The following HSPBP1 variants were observed in gnomAD, a reference collection of about 807,000 sequenced individuals.
HSPBP1 encodes HSPA (Hsp70) binding protein 1.
A neutral mutation model predicts 41.7 loss-of-function variants in HSPBP1; 31 were observed. The ratio of observed to expected loss-of-function variants is 0.74; its 90% CI spans 0.56 to 1.00. The LOEUF (loss-of-function observed/expected upper bound fraction) is 1.00. Ranked by LOEUF, HSPBP1 falls within the 50% of genes least tolerant of loss-of-function variation. The pLI, the probability that HSPBP1 is intolerant of heterozygous loss-of-function variation, is 0.00. For missense variants in HSPBP1, 439 were observed against 487.9 expected, an observed-to-expected ratio of 0.90 and a Z score of 0.94; for synonymous variants, 199 against 214.4, an observed-to-expected ratio of 0.93 and a Z score of 0.63.
At chr19:55,265,780 G>T in intron 6 of HSPBP1, 106 bp downstream of exon 6, 1 of 706,038 alleles carries the variant, frequency 1.4e-6, no homozygotes. Context: ...CTCTCTACGG[G>T]AAGGTCCCAA....
At chr19:55,273,848 G>A (rs924190737) in intron 4 of HSPBP1, among the ~76,000 whole-genome samples, 1 of 152,164 alleles carries the variant, frequency 6.6e-6, no homozygotes, top group Non-Finnish European at 1.5e-5. Flanking sequence ...GCCAAGGCGG[G>A]AGGATCCCTT....
chr19:55,274,345 G>GACCCCCCCCCCCCCCCCCCCCCCCCC, intron 4 of HSPBP1, 53 bp downstream of exon 4: 2 of 552,676 alleles, frequency 3.6e-6, no homozygotes, highest in East Asian at 3.7e-5. Context: ...GGCCCACCCG[G>GACCCCCCCCCCCCCCCCCCCCCCCCC]CACCCCCCCC....
chr19:55,274,232 G>A (rs1052155451), intron 4 of HSPBP1, among the ~76,000 whole-genome samples, 166 bp downstream of exon 4: 1 of 152,190 alleles, frequency 6.6e-6, no homozygotes. Flanking sequence ...GGCCGAGTGC[G>A]CCACTCACTC....
At chr19:55,276,817 C>G (rs763381196) in intron 3 of HSPBP1, among the ~76,000 whole-genome samples, 1 of 152,086 alleles carries the variant, frequency 6.6e-6, no homozygotes, top group Non-Finnish European at 1.5e-5. Context: ...GCTTCCCAAA[C>G]TCCGTCCAGC....
At chr19:55,274,075 T>C (rs1432810120) in intron 4 of HSPBP1, among the ~76,000 whole-genome samples, 1 of 151,868 alleles carries the variant, frequency 6.6e-6, no homozygotes, top group African/African-American at 2.4e-5. Context: ...TGTCCTGTAG[T>C]GCACAGGACG....
chr19:55,265,527 C>T (rs2122808586), intron 6 of HSPBP1, 138 bp from the exon 7 acceptor site: 1 of 730,832 alleles, frequency 1.4e-6, no homozygotes, highest in Middle Eastern at 2.3e-4. Flanking sequence ...ATTTCCCCAT[C>T]TGCGGAATGG....
At chr19:55,278,923 C>CCCA (rs764250410) in intron 2 of HSPBP1, among the ~76,000 whole-genome samples, 225 of 90,590 alleles carry the variant, frequency 2.5e-3, no homozygotes, top group Non-Finnish European at 3.2e-3. Flanking sequence ...CTGCCCCCAC[C>CCCA]AAAAAAAAAA....
At chr19:55,278,495 A>C (rs542852362) in intron 2 of HSPBP1, among the ~76,000 whole-genome samples, 1 of 152,322 alleles carries the variant, frequency 6.6e-6, no homozygotes, top group East Asian at 1.9e-4. Flanking sequence ...ATGAATCTGC[A>C]AAACAACTCT....
intron 2 of HSPBP1, 140 bp downstream of exon 2, chr19:55,279,259 A>C: frequency 1.5e-6 from 1 of 683,266 alleles, no homozygotes; most frequent in Non-Finnish European, 2.5e-6. Flanking sequence ...TTTATAGCCC[A>C]CAATGCCTCC....
In HSPBP1 at chr19:55,272,698, G is replaced by A. The variant is rs972412846; in HGVS notation, c.640+1700C>T. Among the ~76,000 whole-genome samples the A allele has an allele frequency of 1.3e-5, 2 of 152,048 alleles. No individual in the cohort carries two copies. The highest frequency in any genetic ancestry group is 2.9e-5 in the Non-Finnish European group (2 of 68,006). ...TCTACTAAAAATACAAAAATTAGCC[G>A]GGCGCGGTGGCGGGCGCCTGTAATC... is the stretch of plus-strand genomic sequence containing the variant. On this transcript the variant is annotated intron_variant, in intron 4 of 7. Coordinates refer to ENST00000433386, the MANE Select transcript of HSPBP1 (RefSeq NM_012267.5). This position sits in a 1 kb window ranked among gnomAD's most constrained non-coding sequence, Gnocchi z 4.2.
At position 55,272,474 on chromosome 19, in the gene HSPBP1, T is replaced by C. The variant is rs1404804183; in HGVS notation, c.640+1924A>G. On this transcript the variant is annotated intron_variant, in intron 4 of 7. Coordinates refer to ENST00000433386, the MANE Select transcript of HSPBP1 (RefSeq NM_012267.5). This position sits in a 1 kb window ranked among gnomAD's most constrained non-coding sequence, Gnocchi z 4.2. The stretch of plus-strand genomic sequence containing the variant: ...GTAAGTAGATTCATGTTGCAGGGGC[T>C]GCGGGAGAGGACGGACGCCGAGTGA... Among the ~76,000 whole-genome samples the C allele has an allele frequency of 6.6e-6, 1 of 152,180 alleles. No individual in the cohort carries two copies. The highest frequency in any genetic ancestry group is 6.5e-5 in the Admixed American group (1 of 15,278).
At chr19:55,266,596 TCAC>T (rs2087797413) in intron 4 of HSPBP1, among the ~76,000 whole-genome samples, 2 of 8,072 alleles carry the variant, frequency 2.5e-4, no homozygotes. Flanking sequence ...CACCACCACA[TCAC>T]CATCACCGCC....
intron 1 of HSPBP1, 26 bp downstream of exon 1, chr19:55,280,009 G>A (rs1480796383): frequency 6.7e-6 from 2 of 297,670 alleles, no homozygotes; most frequent in Non-Finnish European, 1.3e-5. Flanking sequence ...CTCCGAAGAG[G>A]GGCGCCGGAA....
chr19:55,273,152 G>A (rs2087970001), intron 4 of HSPBP1, among the ~76,000 whole-genome samples: 1 of 152,076 alleles, frequency 6.6e-6, no homozygotes, highest in Admixed American at 6.6e-5. Context: ...ACCACGTCCA[G>A]CTAATTTTTT....
chr19:55,276,967 C>T (rs1282344680), intron 3 of HSPBP1, among the ~76,000 whole-genome samples: 1 of 152,168 alleles, frequency 6.6e-6, no homozygotes, highest in Non-Finnish European at 1.5e-5. Context: ...CCAAACCAGA[C>T]TGCCATGTAG....
At chr19:55,278,295 G>A (rs189447622) in intron 2 of HSPBP1, among the ~76,000 whole-genome samples, 1 of 152,254 alleles carries the variant, frequency 6.6e-6, no homozygotes, top group Admixed American at 6.5e-5. Flanking sequence ...ATTTTTGGGG[G>A]TGAGGGAGGG....
intron 2 of HSPBP1, among the ~76,000 whole-genome samples, chr19:55,278,923 CAAAA>C (rs34254075): frequency 6.6e-5 from 6 of 90,640 alleles, no homozygotes; most frequent in Non-Finnish European, 4.4e-5. Flanking sequence ...CTGCCCCCAC[CAAAA>C]AAAAAAAAAA....
chr19:55,274,359 C>CCCCCCCCCCCCCCCG, intron 4 of HSPBP1, 39 bp downstream of exon 4: 2 of 853,666 alleles, frequency 2.3e-6, no homozygotes, highest in South Asian at 1.8e-5. Flanking sequence ...CCCCCCCCAC[C>CCCCCCCCCCCCCCCG]GCCAGCACCC....
In HSPBP1 at chr19:55,262,671, C is replaced by T; in HGVS notation, c.1017G>A (p.Glu339=). 6.2e-7 allele frequency: 1 copy of T among 1,613,202 alleles called. No individual in the cohort carries two copies. The highest frequency in any genetic ancestry group is 8.5e-7 in the Non-Finnish European group (1 of 1,179,548). Residue 339 remains glutamate, a synonymous_variant, in exon 8 of 8, where the codon GAG becomes GAA. Transcript: ENST00000433386. The part of the protein sequence containing the change: ...QQHEEYQEEL[E]FCEKLLQTCF... ...AGGTCTGTAGCAGCTTTTCACAGAA[C>T]TCCAGCTCCTCCTGGATTGGGCAGG...
Sources: allele counts gnomAD v4.1 joint callset (sites outside exome capture counted in the v4.1 genomes callset), GRCh38; gene constraint gnomAD v4.1.1; non-coding constraint Gnocchi (gnomAD v3.1); transcripts MANE v1.5; gene names NCBI Gene and HGNC (gene_info 2026-07-23, HGNC 2026-07-21).